The following CYP7B1 variants were observed in gnomAD, a reference collection of about 807,000 sequenced individuals.
CYP7B1 encodes cytochrome P450 7B1.
CYP7B1 carries 29 observed loss-of-function variants against 42.7 expected under a neutral mutation model. The observed-to-expected ratio is 0.68, with a 90% confidence interval of 0.51 to 0.93. The LOEUF (loss-of-function observed/expected upper bound fraction) is 0.93, where lower values mean the gene tolerates loss of function less well. CYP7B1 is among the 40% of genes least tolerant of loss of function. CYP7B1 has a pLI of 0.00. For synonymous variants in CYP7B1, 235 were observed against 218.2 expected, an observed-to-expected ratio of 1.08 and a Z score of -0.68; for missense variants, 655 against 600.5, an observed-to-expected ratio of 1.09 and a Z score of -0.95.
At chr8:64,638,251 T>A (rs181158939) in intron 1 of CYP7B1, among the ~76,000 whole-genome samples, 185 of 152,288 alleles carry the variant, frequency 1.2e-3, no homozygotes, top group Middle Eastern at 3.4e-3. Flanking sequence ...ATCCTTAGCA[T>A]CCATTCATAT....
intron 1 of CYP7B1, among the ~76,000 whole-genome samples, chr8:64,705,714 T>C (rs1461654568): frequency 6.6e-6 from 1 of 152,016 alleles, no homozygotes; most frequent in Admixed American, 6.6e-5. Flanking sequence ...GTATGTAAAG[T>C]GCAGTTGCCT....
At chr8:64,793,797 C>G (rs964003160) in intron 1 of CYP7B1, among the ~76,000 whole-genome samples, 2 of 151,558 alleles carry the variant, frequency 1.3e-5, no homozygotes, top group African/African-American at 4.8e-5. Flanking sequence ...TTATTGATAT[C>G]AACTTAAAGA....
chr8:64,686,227 G>GT (rs1806640195), intron 1 of CYP7B1, among the ~76,000 whole-genome samples: 1 of 58,222 alleles, frequency 1.7e-5, no homozygotes, highest in Admixed American at 1.3e-4. Context: ...CGGGAGGGAG[G>GT]TGGGGGGGTC....
intron 1 of CYP7B1, among the ~76,000 whole-genome samples, chr8:64,698,682 C>A (rs1275436554): frequency 6.6e-6 from 1 of 152,046 alleles, no homozygotes; most frequent in East Asian, 1.9e-4. Context: ...ACATCTGAAA[C>A]CTGAATGACC....
intron 1 of CYP7B1, among the ~76,000 whole-genome samples, chr8:64,697,746 C>G (rs1037231085): frequency 1.3e-5 from 2 of 152,164 alleles, no homozygotes; most frequent in African/African-American, 4.8e-5. Flanking sequence ...AAACTGTGCT[C>G]TACATTCCAC....
intron 1 of CYP7B1, among the ~76,000 whole-genome samples, chr8:64,740,283 C>T (rs956999019): frequency 6.6e-6 from 1 of 151,964 alleles, no homozygotes; most frequent in Non-Finnish European, 1.5e-5. Flanking sequence ...AAAATCTCCA[C>T]ATATTTGCGA....
At position 64,593,537 on chromosome 8, in the gene CYP7B1, CCAGATAAT is replaced by C. The variant is rs372690390; in HGVS notation, c.*3097_*3104del. ...CCTATGTAGCGTTCCCTCCCCACTC[CCAGATAAT>C]CAAGCTGAAATTTTAAGGTGATCTG... On this transcript the variant is annotated 3_prime_UTR_variant, in exon 6 of 6. Coordinates refer to ENST00000310193, the MANE Select transcript of CYP7B1 (RefSeq NM_004820.5). Among the ~76,000 whole-genome samples the C allele has an allele frequency of 1.4e-3, 207 of 152,200 alleles. No individual in the cohort carries two copies. Among genetic ancestry groups the C allele is most frequent in the African/African-American group, 4.6e-3 (192 of 41,522 alleles).
intron 1 of CYP7B1, among the ~76,000 whole-genome samples, chr8:64,786,745 T>C (rs913735373): frequency 6.6e-6 from 1 of 152,226 alleles, no homozygotes; most frequent in African/African-American, 2.4e-5. Context: ...GTGTGGGGAA[T>C]CCAACCCCAC....
At chr8:64,654,145 A>G (rs1426682456) in intron 1 of CYP7B1, among the ~76,000 whole-genome samples, 2 of 152,206 alleles carry the variant, frequency 1.3e-5, no homozygotes, top group Admixed American at 1.3e-4. Flanking sequence ...ACTCCTATTC[A>G]ACATAGTATT....
Position 64,624,599 on chromosome 8 carries a change from A to T in CYP7B1, c.123-60T>A. 4 of 1,591,726 alleles carry T rather than the reference A, an allele frequency of 2.5e-6. No individual in the cohort carries two copies. In the South Asian group the frequency reaches 4.5e-5, roughly 18 times the overall value. ...GAAAAATCAAATCATTCTTATTCGA[A>T]TACAGGTGGTTTATTTACTGAATCT... On this transcript the variant is annotated intron_variant, in intron 1 of 5. Transcript: ENST00000310193.
intron 1 of CYP7B1, among the ~76,000 whole-genome samples, chr8:64,743,815 T>C (rs1021053229): frequency 6.6e-6 from 1 of 152,212 alleles, no homozygotes; most frequent in South Asian, 2.1e-4. Context: ...CCCTAATACA[T>C]ACTAATATAT....
intron 1 of CYP7B1, among the ~76,000 whole-genome samples, chr8:64,715,871 C>T (rs1230437164): frequency 1.3e-5 from 2 of 152,150 alleles, no homozygotes; most frequent in Admixed American, 6.5e-5. Context: ...GATTTGTTCC[C>T]CAAATGAAGA....
chr8:64,601,629 T>C (rs1434253884), intron 5 of CYP7B1, among the ~76,000 whole-genome samples: 1 of 152,252 alleles, frequency 6.6e-6, no homozygotes, highest in Non-Finnish European at 1.5e-5. Flanking sequence ...AGAGGTTGCA[T>C]GTTGGTAGCT....
chr8:64,613,430 T>A (rs1179055689), intron 4 of CYP7B1, among the ~76,000 whole-genome samples: 1 of 152,138 alleles, frequency 6.6e-6, no homozygotes, highest in Non-Finnish European at 1.5e-5. Context: ...TTAAGAGTAA[T>A]AACTATACAG....
In CYP7B1 at chr8:64,793,859, C is replaced by T. The variant is rs548727464; in HGVS notation, c.122+4607G>A. 9.7e-4 allele frequency among the ~76,000 whole-genome samples: 147 copies of T among 151,902 alleles called. 1 individual carries two copies. Among genetic ancestry groups the T allele is most frequent in the African/African-American group, 3.5e-3 (144 of 41,472 alleles). On this transcript the variant is annotated intron_variant, in intron 1 of 5. Coordinates refer to ENST00000310193, the MANE Select transcript of CYP7B1 (RefSeq NM_004820.5). ...AAAACCATCCCATAGAAATATGTCACCTAGATATAACCACTGGTAAATGTC... is the reference window on the plus strand; with the variant it reads ...AAAACCATCCCATAGAAATATGTCATCTAGATATAACCACTGGTAAATGTC...
chr8:64,618,586 C>CTCTCTCTCTT (rs1460986566), intron 2 of CYP7B1, among the ~76,000 whole-genome samples: 1 of 151,458 alleles, frequency 6.6e-6, no homozygotes, highest in African/African-American at 2.4e-5. Flanking sequence ...CTCTCTCTCT[C>CTCTCTCTCTT]TCTTTCTCTC....
intron 1 of CYP7B1, among the ~76,000 whole-genome samples, chr8:64,646,397 G>A (rs574961786): frequency 2.0e-5 from 3 of 151,280 alleles, no homozygotes; most frequent in South Asian, 4.2e-4. Flanking sequence ...AAGGACATGA[G>A]CAGACACTTC....
At chr8:64,712,357 A>T (rs1252733056) in intron 1 of CYP7B1, among the ~76,000 whole-genome samples, 1 of 152,120 alleles carries the variant, frequency 6.6e-6, no homozygotes, top group Non-Finnish European at 1.5e-5. Flanking sequence ...CTCAGAACAG[A>T]AAACAGGCTG....
intron 1 of CYP7B1, among the ~76,000 whole-genome samples, chr8:64,781,764 T>C (rs1804427928): frequency 6.6e-6 from 1 of 152,162 alleles, no homozygotes; most frequent in Non-Finnish European, 1.5e-5. Context: ...TAACCGAACA[T>C]ATTCATAGGT....
Sources: allele counts gnomAD v4.1 joint callset (sites outside exome capture counted in the v4.1 genomes callset), GRCh38; gene constraint gnomAD v4.1.1; transcripts MANE v1.5; gene names NCBI Gene and HGNC (gene_info 2026-07-23, HGNC 2026-07-21).